Variants in ASPHD2 observed in about 807,000 individuals in gnomAD.
The protein encoded by ASPHD2 is aspartate beta-hydroxylase domain containing 2.
Under a neutral mutation model 34.6 loss-of-function variants are expected in ASPHD2, and 12 were observed. That is an observed-to-expected ratio of 0.35 (90% CI 0.22 to 0.56). ASPHD2 has a LOEUF of 0.56. ASPHD2 is among the 20% of genes least tolerant of loss of function. The pLI is 0.87. For synonymous variants in ASPHD2, 224 were observed against 212.2 expected (o/e 1.06, Z -0.48); for missense variants, 375 against 505.0 (o/e 0.74, Z 2.47).
Position 26,439,884 on chromosome 22 carries a change from A to C in ASPHD2, c.887-2575A>C, listed in dbSNP as rs149883977. ...TTATTTGAATTATTACTGTGAACGT[A>C]CTTCCTGGAACCATTATTTCTGGTT... is the stretch of plus-strand genomic sequence containing the variant. On this transcript the variant is annotated intron_variant, in intron 2 of 3. Transcript: ENST00000215906. Among the ~76,000 whole-genome samples, 303 of 152,330 alleles carry C rather than the reference A, an allele frequency of 2.0e-3. 1 individual carries two copies. Among genetic ancestry groups the C allele is most frequent in the African/African-American group, 7.0e-3 (292 of 41,566 alleles).
Position 26,433,395 on chromosome 22 carries a change from T to G in ASPHD2, c.-221T>G. On this transcript the variant is annotated 5_prime_UTR_variant, in exon 2 of 4. Transcript: ENST00000215906. The surrounding 1 kb of genome is among the most constrained non-coding windows in gnomAD (Gnocchi z 5.1). ...TGATTTTTTTTTTCCATCCCAGGTT[T>G]GGTTTTCCTAAACAAATCCTTTCAC... The G allele has an allele frequency of 1.8e-6, 1 of 552,456 alleles. No individual in the cohort carries two copies. Among genetic ancestry groups the G allele is most frequent in the South Asian group, 2.5e-5 (1 of 39,454 alleles). 34.2% of individuals were successfully genotyped at this position (552,456 alleles called of 1,614,324 possible).
Position 26,444,898 on chromosome 22 carries a change from G to A in ASPHD2, c.*1692G>A, listed in dbSNP as rs41281583. The A allele has an allele frequency of 9.2e-5, 14 of 152,278 alleles. No homozygotes were observed. The highest frequency in any genetic ancestry group is 2.6e-4 in the Admixed American group (4 of 15,300). The allele number at this position is 152,278 out of a possible 1,614,324, so 9.4% of individuals were successfully genotyped here. ...CTGAGGTGCATGATTTCTACACATC[G>A]TGACTGCTCTGCTCTGCGTTTACAA... is the stretch of plus-strand genomic sequence containing the variant. On this transcript the variant is annotated 3_prime_UTR_variant, in exon 4 of 4. Transcript: ENST00000215906.
At chr22:26,438,730 C>T (rs1466941519) in intron 2 of ASPHD2, among the ~76,000 whole-genome samples, 1 of 149,354 alleles carries the variant, frequency 6.7e-6, no homozygotes, top group African/African-American at 2.5e-5. Context: ...AAGTATTAAC[C>T]CACATGATCA....
At chr22:26,434,964 C>G (rs1405632053) in intron 2 of ASPHD2, among the ~76,000 whole-genome samples, 1 of 152,198 alleles carries the variant, frequency 6.6e-6, no homozygotes. Context: ...GTCCAGGAGG[C>G]TGTGAAAGAT....
intron 2 of ASPHD2, among the ~76,000 whole-genome samples, chr22:26,441,522 G>A (rs917124888): frequency 6.6e-6 from 1 of 151,126 alleles, no homozygotes; most frequent in Non-Finnish European, 1.5e-5. Flanking sequence ...AGGTGCTGTG[G>A]CTCATGCCTG....
At chr22:26,442,220 TG>T (rs1712772899) in intron 2 of ASPHD2, among the ~76,000 whole-genome samples, 2 of 151,898 alleles carry the variant, frequency 1.3e-5, no homozygotes, top group South Asian at 4.2e-4. Context: ...CTTCATGATC[TG>T]ATCACTTTCC....
intron 2 of ASPHD2, among the ~76,000 whole-genome samples, chr22:26,436,750 G>C (rs748872378): frequency 6.6e-6 from 1 of 152,218 alleles, no homozygotes. Context: ...GAATTTCAAA[G>C]AGGTGTGAGT....
intron 2 of ASPHD2, among the ~76,000 whole-genome samples, chr22:26,438,642 T>TAC (rs1197758267): frequency 2.5e-5 from 1 of 40,466 alleles, no homozygotes; most frequent in Non-Finnish European, 6.2e-5. Context: ...TACATATATA[T>TAC]ATACACATAC....
Position 26,434,129 on chromosome 22 carries a change from G to A in ASPHD2, c.514G>A (p.Asp172Asn), listed in dbSNP as rs142083990. The change falls in exon 2 of 4, where the codon GAC becomes AAC. Residue 172 changes from aspartate (D) to asparagine (N), a missense_variant. Physicochemically the swap from Asp to Asn is conservative, Grantham distance 23. Around this residue, in one of 3 missense-constraint regions of ASPHD2, gnomAD observed 223 missense variants for 257.8 expected, o/e 0.87. Coordinates refer to ENST00000215906, the MANE Select transcript of ASPHD2 (RefSeq NM_020437.5). ...GAAGCCCGAGGTCTTCTTCCTGCCC[G>A]ACCTGCCCACCACGCCCTATTTCTC... The part of the protein sequence containing the change: ...IQKPEVFFLP[D>N]LPTTPYFSRD... 3 of 1,611,780 alleles carry A rather than the reference G, an allele frequency of 1.9e-6. No individual in the cohort carries two copies. Among genetic ancestry groups the A allele is most frequent in the Non-Finnish European group, 2.5e-6 (3 of 1,179,174 alleles).
At position 26,443,268 on chromosome 22, in the gene ASPHD2, C is replaced by G. The variant is rs1417508071; in HGVS notation, c.*62C>G. 4 of 1,354,856 alleles carry G rather than the reference C, an allele frequency of 3.0e-6. No individual in the cohort carries two copies. In the African/African-American group the frequency reaches 4.3e-5, roughly 15 times the overall value. 83.9% of individuals were successfully genotyped at this position (1,354,856 alleles called of 1,614,324 possible). On this transcript the variant is annotated 3_prime_UTR_variant, in exon 4 of 4. Coordinates refer to ENST00000215906, the MANE Select transcript of ASPHD2 (RefSeq NM_020437.5). ...AGGCGGGGCCTGGGCAGACTGTGGT[C>G]CGGTCCAGTCCCTACCGGTGTTGTT... is the stretch of plus-strand genomic sequence containing the variant.
At position 26,433,350 on chromosome 22, in the gene ASPHD2, T is replaced by A. The variant is rs948624242; in HGVS notation, c.-224-42T>A. ...ACTTTACATTTCAGTTGAGGACTTT[T>A]CCAGGTGTAAAATTTATGCTGATTT... On this transcript the variant is annotated intron_variant, in intron 1 of 3. Transcript: ENST00000215906. This position sits in a 1 kb window ranked among gnomAD's most constrained non-coding sequence, Gnocchi z 5.1. The A allele has an allele frequency of 4.4e-5, 23 of 517,748 alleles. No homozygotes were observed. The South Asian group carries it at 5.0e-4, about 11-fold the overall frequency. The allele number at this position is 517,748 out of a possible 1,614,324, so 32.1% of individuals were successfully genotyped here.
intron 2 of ASPHD2, among the ~76,000 whole-genome samples, chr22:26,439,011 C>A (rs933938598): frequency 6.6e-6 from 1 of 152,162 alleles, no homozygotes; most frequent in African/African-American, 2.4e-5. Context: ...TTTGGCAACA[C>A]CCACATAGAC....
At position 26,438,494 on chromosome 22, in the gene ASPHD2, C is replaced by CATAT. The variant is rs201240604; in HGVS notation, c.887-3964_887-3963insTATA. Among the ~76,000 whole-genome samples, 4 of 65,264 alleles carry CATAT rather than the reference C, an allele frequency of 6.1e-5. 1 individual carries two copies. The highest frequency in any genetic ancestry group is 9.4e-5 in the Non-Finnish European group (3 of 32,036). 42.8% of individuals were successfully genotyped at this position (65,264 alleles called of 152,430 possible). A position where few individuals can be genotyped will look rare whatever the true frequency, so the allele number is the denominator to read the frequency against. ...ACATATATATACATATATATAGATACACACATACATATATATACATACATA... is the reference window on the plus strand; with the variant it reads ...ACATATATATACATATATATAGATACATATACACATACATATATATACATACATA... On this transcript the variant is annotated intron_variant, in intron 2 of 3. Transcript: ENST00000215906.
chr22:26,435,710 TAAAAGAAAAGAAAAGAAAAGAAAAG>T (rs139306199), intron 2 of ASPHD2, among the ~76,000 whole-genome samples: 8,761 of 145,938 alleles, frequency 0.06, 312 homozygotes, highest in African/African-American at 0.077. Flanking sequence ...ATCACTGCAC[TAAAAGAAAAGAAAAGAAAAGAAAAG>T]AAAAGAAAAG....
chr22:26,442,105 C>CAAA (rs61233112), intron 2 of ASPHD2, among the ~76,000 whole-genome samples: 8 of 98,172 alleles, frequency 8.1e-5, no homozygotes, highest in Non-Finnish European at 1.2e-4. Flanking sequence ...GACTCCATTT[C>CAAA]AAAAAAAAAA....
chr22:26,444,947 T>C lies in ASPHD2; in HGVS notation c.*1741T>C, dbSNP rs1412300739. The C allele has an allele frequency of 1.3e-5, 2 of 152,200 alleles. 1 individual carries two copies. The highest frequency in any genetic ancestry group is 3.8e-4 in the East Asian group (2 of 5,200). The allele number at this position is 152,200 out of a possible 1,614,324, so 9.4% of individuals were successfully genotyped here. ...AAAACCAACAGCCCGCGCAGGTACCTAGCTACCTGCATTCATGTGACATGT... is the reference window on the plus strand; with the variant it reads ...AAAACCAACAGCCCGCGCAGGTACCCAGCTACCTGCATTCATGTGACATGT... On this transcript the variant is annotated 3_prime_UTR_variant, in exon 4 of 4. Transcript: ENST00000215906.
chr22:26,436,811 C>T (rs754442041), intron 2 of ASPHD2, among the ~76,000 whole-genome samples: 3 of 151,456 alleles, frequency 2.0e-5, no homozygotes, highest in Non-Finnish European at 4.4e-5. Flanking sequence ...TGTAGATTAA[C>T]ACTTGTTGTT....
At chr22:26,438,863 A>G (rs183715131) in intron 2 of ASPHD2, among the ~76,000 whole-genome samples, 38 of 152,202 alleles carry the variant, frequency 2.5e-4, no homozygotes, top group African/African-American at 9.2e-4. Flanking sequence ...AGAAAGATAC[A>G]GGCTGGGAGG....
intron 2 of ASPHD2, among the ~76,000 whole-genome samples, chr22:26,440,335 C>T (rs1323763345): frequency 6.6e-6 from 1 of 152,054 alleles, no homozygotes; most frequent in African/African-American, 2.4e-5. Context: ...CAGAGTCTCA[C>T]TCTGTTGCCC....
Sources: allele counts gnomAD v4.1 joint callset (sites outside exome capture counted in the v4.1 genomes callset), GRCh38; gene constraint gnomAD v4.1.1; regional missense constraint gnomAD v4.1.1; non-coding constraint Gnocchi (gnomAD v3.1); transcripts MANE v1.5; gene names NCBI Gene and HGNC (gene_info 2026-07-23, HGNC 2026-07-21).